The following PTPRZ1 variants were observed in gnomAD, a reference collection of about 807,000 sequenced individuals.
PTPRZ1 encodes protein tyrosine phosphatase receptor type Z1.
In PTPRZ1, 82 loss-of-function variants were observed where a neutral mutation model predicts 214.1. The ratio of observed to expected loss-of-function variants is 0.38; its 90% CI spans 0.32 to 0.46. The LOEUF (loss-of-function observed/expected upper bound fraction) is 0.46. Among genes scored for constraint, PTPRZ1 ranks in the 20% least tolerant of loss-of-function variants. The pLI is 1.00. For synonymous variants in PTPRZ1, 945 were observed against 987.9 expected (o/e 0.96, Z 0.81); for missense variants, 2,603 against 2,748.7 (o/e 0.95, Z 1.19).
chr7:121,920,404 C>A (rs564650755), intron 1 of PTPRZ1, among the ~76,000 whole-genome samples: 1 of 152,016 alleles, frequency 6.6e-6, no homozygotes, highest in Non-Finnish European at 1.5e-5. Flanking sequence ...GTTTGCTACT[C>A]CCTTTTATAT....
chr7:122,024,096 A>AGAT (rs1799134366), intron 13 of PTPRZ1, among the ~76,000 whole-genome samples: 1 of 151,932 alleles, frequency 6.6e-6, no homozygotes, highest in Non-Finnish European at 1.5e-5. Context: ...TATACTGAAC[A>AGAT]GATGGACTAC....
intron 20 of PTPRZ1, 95 bp downstream of exon 20, chr7:122,039,683 A>T (rs1799656313): frequency 4.4e-5 from 64 of 1,450,944 alleles, no homozygotes; most frequent in Non-Finnish European, 5.7e-5. Context: ...GGTAAAAAGC[A>T]TATAACTAAA....
chr7:121,934,525 G>A (rs1487817377), intron 2 of PTPRZ1, among the ~76,000 whole-genome samples: 3 of 141,826 alleles, frequency 2.1e-5, no homozygotes, highest in Admixed American at 7.1e-5. Context: ...TCTGCATTTC[G>A]ATTTTCCCGT....
intron 1 of PTPRZ1, among the ~76,000 whole-genome samples, chr7:121,876,661 T>C (rs1794072102): frequency 6.6e-6 from 1 of 152,210 alleles, no homozygotes; most frequent in African/African-American, 2.4e-5. Flanking sequence ...ATAACTAGCC[T>C]CTATTCAGAA....
intron 27 of PTPRZ1, among the ~76,000 whole-genome samples, chr7:122,055,432 A>G (rs1013165799): frequency 1.1e-4 from 16 of 150,076 alleles, no homozygotes; most frequent in African/African-American, 4.0e-4. Flanking sequence ...CTTACCTTGT[A>G]AGTAAAATGG....
intron 21 of PTPRZ1, among the ~76,000 whole-genome samples, chr7:122,041,900 A>G (rs181773640): frequency 6.6e-6 from 1 of 152,336 alleles, no homozygotes; most frequent in Admixed American, 6.5e-5. Flanking sequence ...ATAGTGCTGA[A>G]GGTCAGGGAT....
chr7:121,890,627 A>G (rs1794563603), intron 1 of PTPRZ1, among the ~76,000 whole-genome samples: 1 of 152,032 alleles, frequency 6.6e-6, no homozygotes, highest in Admixed American at 6.6e-5. Context: ...CAAGCCCCAA[A>G]TGCTCTGGCC....
intron 2 of PTPRZ1, among the ~76,000 whole-genome samples, chr7:121,937,166 A>T (rs114388515): frequency 0.012 from 1,803 of 152,282 alleles, 31 homozygotes; most frequent in African/African-American, 0.039. Flanking sequence ...ATAATTGTGC[A>T]ATTGCACAAT....
intron 6 of PTPRZ1, 63 bp from the exon 7 acceptor site, chr7:121,983,602 A>T (rs1797680964): frequency 1.4e-6 from 2 of 1,413,092 alleles, no homozygotes; most frequent in Non-Finnish European, 1.9e-6. Flanking sequence ...GTTTCATAGA[A>T]GTTTTGAACA....
intron 27 of PTPRZ1, 62 bp from the exon 28 acceptor site, chr7:122,058,738 C>T: frequency 6.9e-7 from 1 of 1,440,894 alleles, no homozygotes; most frequent in South Asian, 1.3e-5. Flanking sequence ...TGATTTTCCT[C>T]AATGATTCCA....
At position 122,013,390 on chromosome 7, in the gene PTPRZ1, TA is replaced by T; in HGVS notation, c.4345del (p.Arg1449GlufsTer7). 1 of 1,614,184 alleles carries T rather than the reference TA, an allele frequency of 6.2e-7. No homozygotes were observed. Among genetic ancestry groups the T allele is most frequent in the Non-Finnish European group, 8.5e-7 (1 of 1,180,036 alleles). On this transcript the variant is annotated frameshift_variant, in exon 12 of 30. Coordinates refer to ENST00000393386, the MANE Select transcript of PTPRZ1 (RefSeq NM_002851.3). LOFTEE classifies it high-confidence loss of function. ...IHKCMSCSSY[R>X]ESQEKVMNDS... ...ATAAGTGTATGTCATGCTCATCCTA[TA>T]GAGAATCACAGGAAAAGGTAATGAA...
intron 1 of PTPRZ1, among the ~76,000 whole-genome samples, chr7:121,876,659 C>A (rs550582417): frequency 6.6e-6 from 1 of 152,126 alleles, no homozygotes; most frequent in Non-Finnish European, 1.5e-5. Context: ...TAATAACTAG[C>A]CTCTATTCAG....
intron 2 of PTPRZ1, among the ~76,000 whole-genome samples, chr7:121,944,755 G>T (rs1004756574): frequency 1.5e-4 from 23 of 151,932 alleles, no homozygotes; most frequent in African/African-American, 5.1e-4. Context: ...CAATTCTCCT[G>T]CCTCAGCCTC....
chr7:121,927,808 G>A (rs757408884), intron 1 of PTPRZ1, among the ~76,000 whole-genome samples: 28 of 152,282 alleles, frequency 1.8e-4, no homozygotes, highest in Middle Eastern at 6.8e-3. Flanking sequence ...TAGACTTAGG[G>A]AATGGTAACA....
At position 122,055,084 on chromosome 7, in the gene PTPRZ1, A is replaced by G; in HGVS notation, c.6525A>G (p.Thr2175=). The change falls in exon 27 of 30, where the codon ACA becomes ACG. Residue 2175 remains threonine (T), a synonymous_variant. Transcript: ENST00000393386. ...TTCAGGACTTTATCTTAGAAGCTAC[A>G]CAGGTAAGGATATAAGTTAAATGAC... ...LIIQDFILEA[T]QDDYVLEVRH... The G allele has an allele frequency of 1.3e-6, 2 of 1,565,852 alleles. No individual in the cohort carries two copies. The highest frequency in any genetic ancestry group is 4.5e-5 in the East Asian group (2 of 44,034).
chr7:121,885,294 G>A (rs1199556880), intron 1 of PTPRZ1, among the ~76,000 whole-genome samples: 2 of 152,096 alleles, frequency 1.3e-5, no homozygotes, highest in Non-Finnish European at 2.9e-5. Context: ...CTGCTATTTT[G>A]CGACAAAGGT....
At chr7:122,041,093 T>A in intron 21 of PTPRZ1, 114 bp downstream of exon 21, 1 of 938,156 alleles carries the variant, frequency 1.1e-6, no homozygotes, top group Non-Finnish European at 1.5e-6. Context: ...ATGAGGGTGA[T>A]GAAATTATAT....
intron 10 of PTPRZ1, among the ~76,000 whole-genome samples, chr7:122,002,922 A>G (rs993876675): frequency 3.9e-5 from 6 of 152,346 alleles, no homozygotes; most frequent in Admixed American, 6.5e-5. Flanking sequence ...ATTATTTTCA[A>G]TAAAACTAGG....
chr7:121,925,149 T>C (rs1029157847), intron 1 of PTPRZ1, among the ~76,000 whole-genome samples: 3 of 152,224 alleles, frequency 2.0e-5, no homozygotes, highest in East Asian at 1.9e-4. Flanking sequence ...AAACCACTTA[T>C]GTTTTTTGGC....
Sources: allele counts gnomAD v4.1 joint callset (sites outside exome capture counted in the v4.1 genomes callset), GRCh38; gene constraint gnomAD v4.1.1; transcripts MANE v1.5; gene names NCBI Gene and HGNC (gene_info 2026-07-23, HGNC 2026-07-21).